The following LATS2 variants were observed in gnomAD, a reference collection of about 807,000 sequenced individuals.
LATS2 encodes the protein serine/threonine-protein kinase LATS2.
Under a neutral mutation model 76.0 loss-of-function variants are expected in LATS2, and 24 were observed. The ratio of observed to expected loss-of-function variants is 0.32; its 90% CI spans 0.23 to 0.44. LATS2 has a LOEUF of 0.44. Among genes scored for constraint, LATS2 ranks in the 20% least tolerant of loss-of-function variants. The probability of loss-of-function intolerance (pLI) is 1.00; values close to 1 mark genes in which losing one functional copy is unlikely to be tolerated. For missense variants in LATS2, 1,286 were observed against 1,481.2 expected (o/e 0.87, Z 2.16); for synonymous variants, 692 against 635.4 (o/e 1.09, Z -1.34).
intron 2 of LATS2, among the ~76,000 whole-genome samples, chr13:20,995,748 C>G (rs1870724221): frequency 1.4e-5 from 2 of 144,152 alleles, no homozygotes. Flanking sequence ...GCAGCAACTT[C>G]CAAGTTTTAC....
intron 2 of LATS2, among the ~76,000 whole-genome samples, chr13:20,994,131 T>C (rs1870636369): frequency 1.3e-5 from 2 of 152,170 alleles, no homozygotes; most frequent in African/African-American, 4.8e-5. Context: ...ATGTTTATTG[T>C]GCATCAAATC....
intron 1 of LATS2, among the ~76,000 whole-genome samples, chr13:21,058,043 C>T (rs560510975): frequency 1.3e-5 from 2 of 152,176 alleles, no homozygotes; most frequent in Non-Finnish European, 2.9e-5. Flanking sequence ...AGAGGAATTA[C>T]TAAGCAATAG....
chr13:21,052,250 AAGTT>A (rs1873295954), intron 1 of LATS2, among the ~76,000 whole-genome samples: 1 of 152,228 alleles, frequency 6.6e-6, no homozygotes, highest in Non-Finnish European at 1.5e-5. Context: ...GATTTATAAT[AAGTT>A]AGGCAAAAAA....
chr13:21,056,280 C>G (rs1257206668), intron 1 of LATS2, among the ~76,000 whole-genome samples: 3 of 151,994 alleles, frequency 2.0e-5, no homozygotes, highest in Non-Finnish European at 4.4e-5. Flanking sequence ...CTCAAGTGAT[C>G]CCCCCGCCTC....
At chr13:20,979,095 T>C (rs673716) in intron 7 of LATS2, among the ~76,000 whole-genome samples, 39,589 of 152,130 alleles carry the variant, frequency 0.26, 5,632 homozygotes, top group Middle Eastern at 0.33. Flanking sequence ...ATTACAGGCA[T>C]GAGCCACTGC....
intron 2 of LATS2, among the ~76,000 whole-genome samples, chr13:20,998,599 C>T (rs1041705610): frequency 5.3e-5 from 8 of 152,188 alleles, no homozygotes; most frequent in African/African-American, 1.9e-4. Flanking sequence ...TGTTCCAACC[C>T]CACCCCCACG....
intron 2 of LATS2, among the ~76,000 whole-genome samples, chr13:21,021,470 G>T: frequency 1.5e-5 from 1 of 68,144 alleles, no homozygotes; most frequent in African/African-American, 6.5e-5. Flanking sequence ...GTGAGACTCT[G>T]TCTCAAAAAA....
chr13:20,975,202 A>G lies in LATS2; in HGVS notation c.2935T>C (p.Ser979Pro). Residue 979 changes from serine (S) to proline (P), a missense_variant, in exon 8 of 8, where the codon TCC becomes CCC. Around this residue, in one of 5 missense-constraint regions of LATS2, gnomAD observed 210 missense variants for 234.9 expected, o/e 0.89. Transcript: ENST00000382592. ...GCTGGCTGCTTCCGGATGTCACTGG[A>G]GAAGTCAATGGCGCTGAAGAAGGGG... ...AHPFFSAIDF[S>P]SDIRKQPAPY... The G allele has an allele frequency of 2.5e-6, 4 of 1,614,160 alleles. No homozygotes were observed. The highest frequency in any genetic ancestry group is 3.4e-6 in the Non-Finnish European group (4 of 1,180,020).
intron 2 of LATS2, among the ~76,000 whole-genome samples, chr13:21,010,206 A>AAACAAACG (rs1406214368): frequency 2.0e-5 from 3 of 151,806 alleles, no homozygotes; most frequent in Non-Finnish European, 4.4e-5. Context: ...TCAAAAAAAC[A>AAACAAACG]AACAAACAAA....
intron 4 of LATS2, among the ~76,000 whole-genome samples, chr13:20,984,214 T>C (rs1384656144): frequency 2.6e-5 from 4 of 152,202 alleles, no homozygotes; most frequent in African/African-American, 9.7e-5. Context: ...GATTACAGGC[T>C]TGAGCCACTG....
In LATS2 at chr13:20,988,949, G is replaced by C; in HGVS notation, c.831C>G (p.Ser277Arg). The C allele has an allele frequency of 6.5e-7, 1 of 1,535,544 alleles. No homozygotes were observed. Among genetic ancestry groups the C allele is most frequent in the South Asian group, 1.2e-5 (1 of 84,334 alleles). ...YGVQRSPSFQ[S>R]KTPPETGGYA... ...AACCCCCGGTCTCCGGCGGCGTCTT[G>C]CTCTGGAAGGAGGGGCTGCGCTGCA... is the stretch of plus-strand genomic sequence containing the variant. The change falls in exon 4 of 8, where the codon AGC becomes AGG. Residue 277 changes from serine to arginine, a missense_variant. This residue lies in a region of LATS2 where 710 missense variants were observed against 660.9 expected (regional missense o/e 1.07). Transcript: ENST00000382592.
intron 2 of LATS2, among the ~76,000 whole-genome samples, chr13:20,996,158 T>C (rs2138306744): frequency 6.6e-6 from 1 of 152,304 alleles, no homozygotes; most frequent in South Asian, 2.1e-4. Context: ...TGGCACAAGA[T>C]ACCTGCAGTG....
chr13:21,025,463 G>A (rs1333586420), intron 2 of LATS2, among the ~76,000 whole-genome samples: 1 of 151,808 alleles, frequency 6.6e-6, no homozygotes, highest in Admixed American at 6.6e-5. Context: ...TGAGGGGGTC[G>A]GACACGGACA....
intron 2 of LATS2, among the ~76,000 whole-genome samples, chr13:21,033,001 A>C (rs1872583424): frequency 6.6e-6 from 1 of 152,080 alleles, no homozygotes; most frequent in African/African-American, 2.4e-5. Context: ...TTGGAAGAGG[A>C]TGGTGAAGAC....
rs182205821 is a variant in LATS2, at chr13:20,974,237, C to T, written c.*633G>A. Reference sequence around the variant, plus strand: ...CATGCAGTACTCTCCACACACCAGACGTCGGAAATCACAGCCACATCATCA... The same window carrying T: ...CATGCAGTACTCTCCACACACCAGATGTCGGAAATCACAGCCACATCATCA... On this transcript the variant is annotated 3_prime_UTR_variant, in exon 8 of 8. Coordinates refer to ENST00000382592, the MANE Select transcript of LATS2 (RefSeq NM_014572.3). 7.2e-5 allele frequency: 16 copies of T among 221,048 alleles called. No individual in the cohort carries two copies. In the South Asian group the frequency reaches 7.4e-4, roughly 10 times the overall value. The allele number at this position is 221,048 out of a possible 1,614,324, so 13.7% of individuals were successfully genotyped here.
At chr13:20,981,788 C>T in intron 5 of LATS2, 140 bp from the exon 6 acceptor site, 1 of 717,448 alleles carries the variant, frequency 1.4e-6, no homozygotes, top group Non-Finnish European at 2.2e-6. Flanking sequence ...ACAGAGAATC[C>T]CCGCTGAGCT....
intron 2 of LATS2, among the ~76,000 whole-genome samples, chr13:21,016,523 G>A (rs1871806840): frequency 6.6e-6 from 1 of 151,356 alleles, no homozygotes; most frequent in Non-Finnish European, 1.5e-5. Flanking sequence ...CAAGTGATCT[G>A]CCTGCCTCGG....
chr13:21,038,897 T>G (rs1872772593), intron 2 of LATS2, among the ~76,000 whole-genome samples: 1 of 152,160 alleles, frequency 6.6e-6, no homozygotes, highest in South Asian at 2.1e-4. Flanking sequence ...GGCGCATTGC[T>G]TGAACCCGCG....
chr13:21,060,648 G>A (rs1873607859), intron 1 of LATS2, among the ~76,000 whole-genome samples: 2 of 151,720 alleles, frequency 1.3e-5, no homozygotes, highest in South Asian at 2.1e-4. Flanking sequence ...TGGGAACCGC[G>A]CGGCAGTGGG....
Sources: allele counts gnomAD v4.1 joint callset (sites outside exome capture counted in the v4.1 genomes callset), GRCh38; gene constraint gnomAD v4.1.1; regional missense constraint gnomAD v4.1.1; transcripts MANE v1.5; gene names NCBI Gene and HGNC (gene_info 2026-07-23, HGNC 2026-07-21).